LCORL: variants seen among roughly 807,000 people sequenced by gnomAD.
LCORL encodes the protein ligand-dependent nuclear receptor corepressor-like protein.
LCORL carries 41 observed loss-of-function variants against 141.8 expected under a neutral mutation model. That is an observed-to-expected ratio of 0.29 (90% CI 0.23 to 0.38). The LOEUF (loss-of-function observed/expected upper bound fraction) is 0.38. LCORL is among the 10% of genes least tolerant of loss of function. The pLI, the probability that LCORL is intolerant of heterozygous loss-of-function variation, is 1.00. For synonymous variants in LCORL, 618 were observed against 694.1 expected (o/e 0.89, Z 1.72); for missense variants, 1,759 against 2,035.0 (o/e 0.86, Z 2.61).
chr4:17,844,662 T>TA (rs71719698), exon 8 of LCORL: 15,579 of 152,456 alleles, frequency 0.1, 1,904 homozygotes, highest in African/African-American at 0.29. Flanking sequence ...GTTGTTGTTT[T>TA]AAAGACAATT....
intron 7 of LCORL, among the ~76,000 whole-genome samples, chr4:17,867,887 T>C (rs1305382778): frequency 6.6e-6 from 1 of 152,184 alleles, no homozygotes; most frequent in African/African-American, 2.4e-5. Flanking sequence ...CACAAAATAT[T>C]ATGGCAAAAG....
intron 1 of LCORL, among the ~76,000 whole-genome samples, chr4:17,985,449 C>T (rs1319668103): frequency 6.6e-6 from 1 of 152,098 alleles, no homozygotes; most frequent in Non-Finnish European, 1.5e-5. Flanking sequence ...CTGGTTGCTC[C>T]TCTGCTGGGT....
exon 7 of LCORL, chr4:17,874,733 T>C: frequency 8.1e-7 from 1 of 1,234,000 alleles, no homozygotes. Context: ...GCAAAGGGTT[T>C]GATGAAATTA....
exon 8 of LCORL, chr4:17,843,381 A>C: frequency 6.2e-7 from 1 of 1,612,152 alleles, no homozygotes. Flanking sequence ...ACTAGAAAAA[A>C]GTAAACTTAA....
intron 1 of LCORL, among the ~76,000 whole-genome samples, chr4:17,992,711 A>G (rs1720238098): frequency 1.3e-5 from 2 of 152,218 alleles, no homozygotes; most frequent in African/African-American, 4.8e-5. Context: ...TCTTTTCCTA[A>G]GGTCACACTT....
intron 1 of LCORL, among the ~76,000 whole-genome samples, chr4:17,986,374 G>C (rs887416378): frequency 1.3e-5 from 2 of 152,144 alleles, no homozygotes; most frequent in Non-Finnish European, 2.9e-5. Flanking sequence ...CTATTTCGCT[G>C]TCCCTTCTAG....
At chr4:17,942,095 T>C (rs1042463641) in intron 4 of LCORL, among the ~76,000 whole-genome samples, 2 of 152,182 alleles carry the variant, frequency 1.3e-5, no homozygotes, top group Non-Finnish European at 1.5e-5. Flanking sequence ...AAAACCTTTA[T>C]ATAAGCTTTT....
intron 4 of LCORL, among the ~76,000 whole-genome samples, chr4:17,930,999 T>C (rs1448312145): frequency 1.3e-5 from 2 of 152,156 alleles, no homozygotes; most frequent in Non-Finnish European, 2.9e-5. Context: ...TTTTGCTATT[T>C]CTTCTGAAAA....
rs1173543189 is a variant in LCORL at position 17,863,755 on chromosome 4, C to T, written c.5602+9633G>A. Among the ~76,000 whole-genome samples, 3 of 152,146 alleles carry T rather than the reference C, an allele frequency of 2.0e-5. No individual in the cohort carries two copies. In the East Asian group the frequency reaches 5.8e-4, roughly 29 times the overall value. On this transcript the variant is annotated intron_variant, in intron 7 of 7. Transcript: ENST00000635767. ...GACATGGACTCAACCTAAATCCCAT[C>T]AATGGTAGAATAGGTAAAGAAAATA...
intron 4 of LCORL, among the ~76,000 whole-genome samples, chr4:17,923,966 T>C (rs770137010): frequency 4.6e-5 from 7 of 151,896 alleles, no homozygotes; most frequent in Non-Finnish European, 7.4e-5. Flanking sequence ...GAAATCTTCC[T>C]AGTGGGCAGA....
At chr4:17,885,582 A>G (rs1418561993) in intron 6 of LCORL, among the ~76,000 whole-genome samples, 1 of 151,920 alleles carries the variant, frequency 6.6e-6, no homozygotes, top group Non-Finnish European at 1.5e-5. Flanking sequence ...GACACTTTTC[A>G]AAACATGAGA....
chr4:17,956,612 T>C (rs1577541021), intron 4 of LCORL, among the ~76,000 whole-genome samples: 1 of 151,374 alleles, frequency 6.6e-6, no homozygotes, highest in East Asian at 1.9e-4. Flanking sequence ...GCTGACCTCA[T>C]AGAGGTAGAG....
intron 3 of LCORL, among the ~76,000 whole-genome samples, chr4:17,962,606 T>C (rs1439507601): frequency 2.0e-5 from 3 of 152,144 alleles, no homozygotes; most frequent in African/African-American, 4.8e-5. Context: ...TCCCCTACTA[T>C]TAATTTCTAA....
intron 4 of LCORL, among the ~76,000 whole-genome samples, chr4:17,929,666 G>A (rs2109414109): frequency 6.6e-6 from 1 of 152,080 alleles, no homozygotes; most frequent in East Asian, 1.9e-4. Context: ...AAAACTCTTA[G>A]AAGACATATG....
chr4:17,923,078 G>A (rs1028163150), intron 4 of LCORL, among the ~76,000 whole-genome samples: 6 of 152,166 alleles, frequency 3.9e-5, no homozygotes, highest in Admixed American at 2.0e-4. Flanking sequence ...GGCCCCTAGA[G>A]GTGAAGTTCA....
chr4:17,956,361 T>G (rs1251689863), intron 4 of LCORL, among the ~76,000 whole-genome samples: 1 of 152,136 alleles, frequency 6.6e-6, no homozygotes, highest in African/African-American at 2.4e-5. Context: ...TGCATCCCCA[T>G]GTTTACTGCA....
At chr4:17,868,506 T>C (rs887025971) in intron 7 of LCORL, among the ~76,000 whole-genome samples, 1 of 152,182 alleles carries the variant, frequency 6.6e-6, no homozygotes, top group Non-Finnish European at 1.5e-5. Context: ...GTTTATCAAT[T>C]AGGAAAAGAT....
At chr4:17,937,801 G>A (rs1737111386) in intron 4 of LCORL, among the ~76,000 whole-genome samples, 1 of 151,992 alleles carries the variant, frequency 6.6e-6, no homozygotes. Flanking sequence ...ACAAAAACAG[G>A]AACTAAAGGG....
chr4:18,001,822 G>C (rs537210059), intron 1 of LCORL, among the ~76,000 whole-genome samples: 1 of 152,212 alleles, frequency 6.6e-6, no homozygotes, highest in South Asian at 2.1e-4. Flanking sequence ...CTACACAAAT[G>C]GTAACAGGTT....
Sources: allele counts gnomAD v4.1 joint callset (sites outside exome capture counted in the v4.1 genomes callset), GRCh38; gene constraint gnomAD v4.1.1; transcripts MANE v1.5; gene names NCBI Gene and HGNC (gene_info 2026-07-23, HGNC 2026-07-21).